Variants in CDH8 observed in about 807,000 individuals in gnomAD.
CDH8 encodes the protein cadherin-8.
A neutral mutation model predicts 68.1 loss-of-function variants in CDH8; 17 were observed. The observed-to-expected ratio is 0.25, with a 90% CI of 0.17 to 0.37. The LOEUF (loss-of-function observed/expected upper bound fraction) is 0.37. CDH8 is among the 10% of genes least tolerant of loss of function. CDH8 has a pLI of 1.00. For missense variants in CDH8, 763 were observed against 999.3 expected (o/e 0.76, Z 3.19); for synonymous variants, 372 against 365.1 (o/e 1.02, Z -0.21).
chr16:61,880,212 C>T lies in CDH8; in HGVS notation c.547+20967G>A, dbSNP rs78858679. Among the ~76,000 whole-genome samples the T allele has an allele frequency of 8.4e-3, 1,285 of 152,240 alleles. 20 individuals are homozygous for T. Among genetic ancestry groups the T allele is most frequent in the African/African-American group, 0.029 (1,204 of 41,534 alleles). On this transcript the variant is annotated intron_variant, in intron 3 of 11. Coordinates refer to ENST00000577390, the MANE Select transcript of CDH8 (RefSeq NM_001796.5). ...GTGCTGGTATTATAGGTGTAAGCCA[C>T]CGTGCCCGGCCATATAATATGAAGT...
At chr16:61,888,695 T>C (rs1304128041) in intron 3 of CDH8, among the ~76,000 whole-genome samples, 2 of 152,194 alleles carry the variant, frequency 1.3e-5, no homozygotes, top group Non-Finnish European at 2.9e-5. Context: ...TATTAATCCC[T>C]ATGTAATATT....
chr16:61,812,741 C>T (rs1054129998), intron 7 of CDH8, among the ~76,000 whole-genome samples: 3 of 152,140 alleles, frequency 2.0e-5, no homozygotes, highest in African/African-American at 7.2e-5. Context: ...TCAATAAACA[C>T]GACTGTCATC....
intron 2 of CDH8, among the ~76,000 whole-genome samples, chr16:61,985,086 C>G (rs1432903523): frequency 1.3e-5 from 2 of 151,178 alleles, no homozygotes; most frequent in South Asian, 2.1e-4. Flanking sequence ...TGTAGGCACC[C>G]ATAACTTTTT....
chr16:61,928,502 A>C (rs1300196317), intron 2 of CDH8, among the ~76,000 whole-genome samples: 1 of 152,070 alleles, frequency 6.6e-6, no homozygotes, highest in Admixed American at 6.6e-5. Flanking sequence ...ATACCTCCTC[A>C]GTTGCTGCCT....
chr16:61,756,979 T>C (rs918945708), intron 8 of CDH8, among the ~76,000 whole-genome samples: 3 of 152,194 alleles, frequency 2.0e-5, no homozygotes, highest in South Asian at 2.1e-4. Flanking sequence ...TTTAGATCCA[T>C]TGAGTTCTCG....
intron 8 of CDH8, among the ~76,000 whole-genome samples, chr16:61,771,950 T>C (rs1960788769): frequency 6.6e-6 from 1 of 152,004 alleles, no homozygotes; most frequent in Non-Finnish European, 1.5e-5. Flanking sequence ...ATGTTACTCA[T>C]TCATTGTTAA....
At chr16:61,956,096 T>G (rs2143610015) in intron 2 of CDH8, among the ~76,000 whole-genome samples, 1 of 152,318 alleles carries the variant, frequency 6.6e-6, no homozygotes, top group African/African-American at 2.4e-5. Flanking sequence ...AAAATATGTT[T>G]AACTTTTTCT....
intron 2 of CDH8, among the ~76,000 whole-genome samples, chr16:61,972,472 T>C (rs1249707711): frequency 3.3e-5 from 5 of 152,070 alleles, no homozygotes; most frequent in Admixed American, 1.3e-4. Flanking sequence ...AAAAGTTGGA[T>C]AGAGTCGTGT....
chr16:61,776,538 T>G (rs1960903583), intron 8 of CDH8, among the ~76,000 whole-genome samples: 2 of 152,210 alleles, frequency 1.3e-5, no homozygotes, highest in African/African-American at 4.8e-5. Flanking sequence ...CTCCTATTAA[T>G]ATATATAATC....
chr16:61,784,934 A>T (rs1239886361), intron 8 of CDH8, among the ~76,000 whole-genome samples: 1 of 151,998 alleles, frequency 6.6e-6, no homozygotes, highest in East Asian at 1.9e-4. Flanking sequence ...ACGCATTCAA[A>T]GCAGTGTGTA....
intron 2 of CDH8, among the ~76,000 whole-genome samples, chr16:61,911,101 A>T (rs1033965161): frequency 2.6e-5 from 4 of 152,142 alleles, no homozygotes; most frequent in African/African-American, 9.7e-5. Context: ...GTGAGTGAAT[A>T]GTAATAGTGG....
At chr16:61,833,663 T>C (rs1443566381) in intron 4 of CDH8, among the ~76,000 whole-genome samples, 3 of 151,882 alleles carry the variant, frequency 2.0e-5, no homozygotes, top group South Asian at 2.1e-4. Context: ...ACACAGCATA[T>C]GCCTTTGATT....
At chr16:61,657,649 T>C (rs929605831) in intron 10 of CDH8, among the ~76,000 whole-genome samples, 2 of 152,122 alleles carry the variant, frequency 1.3e-5, no homozygotes, top group Admixed American at 1.3e-4. Context: ...AGCTAATTAG[T>C]ACAAAGAACA....
At chr16:61,815,635 G>T (rs1207562363) in intron 7 of CDH8, among the ~76,000 whole-genome samples, 1 of 152,056 alleles carries the variant, frequency 6.6e-6, no homozygotes, top group Non-Finnish European at 1.5e-5. Flanking sequence ...AAGGACCCTT[G>T]GCTTGGCAGA....
At chr16:61,690,029 C>A (rs17248898) in intron 10 of CDH8, among the ~76,000 whole-genome samples, 20,918 of 152,022 alleles carry the variant, frequency 0.14, 1,492 homozygotes, top group Non-Finnish European at 0.15. Flanking sequence ...ATTCATACCA[C>A]AATTCCATAA....
chr16:61,652,959 C>A lies in CDH8; in HGVS notation c.*649G>T. ...CTCCCACCACTGAATTGGCAAGCCCCACCCTGGAATGGATTACGAACATGT... is the reference window on the plus strand; with the variant it reads ...CTCCCACCACTGAATTGGCAAGCCCAACCCTGGAATGGATTACGAACATGT... On this transcript the variant is annotated 3_prime_UTR_variant, in exon 12 of 12. Coordinates refer to ENST00000577390, the MANE Select transcript of CDH8 (RefSeq NM_001796.5). 1.3e-6 allele frequency: 2 copies of A among 1,521,062 alleles called. No homozygotes were observed. The highest frequency in any genetic ancestry group is 4.1e-5 in the Admixed American group (2 of 48,512). 94.2% of individuals were successfully genotyped at this position (1,521,062 alleles called of 1,614,324 possible).
At chr16:61,874,929 G>C (rs1238760881) in intron 3 of CDH8, among the ~76,000 whole-genome samples, 1 of 152,130 alleles carries the variant, frequency 6.6e-6, no homozygotes, top group Non-Finnish European at 1.5e-5. Context: ...CTCTGTTTTT[G>C]CAAGACAGAG....
chr16:61,801,342 AT>A, intron 7 of CDH8, among the ~76,000 whole-genome samples: 1 of 152,324 alleles, frequency 6.6e-6, no homozygotes, highest in Non-Finnish European at 1.5e-5. Context: ...TAACAAATAT[AT>A]ATTTATCTAA....
intron 2 of CDH8, among the ~76,000 whole-genome samples, chr16:61,943,233 G>A (rs1964752096): frequency 6.6e-6 from 1 of 152,178 alleles, no homozygotes. Flanking sequence ...CATGAAAGTA[G>A]AGGCCTTATC....
Sources: gnomAD v4.1 joint callset for allele counts (sites outside exome capture counted in the v4.1 genomes callset) on GRCh38, gnomAD v4.1.1 for gene constraint, MANE v1.5 for transcripts, NCBI Gene and HGNC (gene_info 2026-07-23, HGNC 2026-07-21) for gene names.